The following NCALD variants were observed in gnomAD, a reference collection of about 807,000 sequenced individuals.
NCALD encodes the protein neurocalcin-delta.
Under a neutral mutation model 18.6 loss-of-function variants are expected in NCALD, and 10 were observed. The observed-to-expected ratio is 0.54, with a 90% CI of 0.33 to 0.91. The LOEUF is 0.91. Among genes scored for constraint, NCALD ranks in the 40% least tolerant of loss-of-function variants. NCALD has a pLI of 0.03. For missense variants in NCALD, 184 were observed against 247.6 expected (o/e 0.74, Z 1.72); for synonymous variants, 88 against 87.4 (o/e 1.01, Z -0.04).
At chr8:101,708,111 TC>T (rs1815617268) in intron 2 of NCALD, among the ~76,000 whole-genome samples, 1 of 152,014 alleles carries the variant, frequency 6.6e-6, no homozygotes, top group Non-Finnish European at 1.5e-5. Flanking sequence ...AGACAGACTG[TC>T]CCCCAAACAG....
At chr8:101,944,927 T>C (rs983493317) in intron 2 of NCALD, among the ~76,000 whole-genome samples, 1 of 152,218 alleles carries the variant, frequency 6.6e-6, no homozygotes, top group African/African-American at 2.4e-5. Flanking sequence ...TAAATTATCT[T>C]TCAAATCCCA....
chr8:101,745,487 T>C (rs1442956374), intron 1 of NCALD, among the ~76,000 whole-genome samples: 1 of 152,188 alleles, frequency 6.6e-6, no homozygotes, highest in Non-Finnish European at 1.5e-5. Context: ...TATTGCACGG[T>C]GGTCTTTCCA....
intron 4 of NCALD, among the ~76,000 whole-genome samples, chr8:101,800,653 A>T (rs2131073367): frequency 1.3e-5 from 2 of 151,884 alleles, no homozygotes; most frequent in East Asian, 3.9e-4. Context: ...AATCAAGAGT[A>T]CAGAAAGGCT....
At chr8:101,983,608 T>C (rs144523349) in intron 2 of NCALD, among the ~76,000 whole-genome samples, 2 of 152,340 alleles carry the variant, frequency 1.3e-5, no homozygotes, top group Non-Finnish European at 2.9e-5. Context: ...GTGTATGTGT[T>C]GTGATGGATA....
intron 1 of NCALD, among the ~76,000 whole-genome samples, chr8:102,060,729 C>T (rs1375567573): frequency 1.3e-5 from 2 of 152,078 alleles, no homozygotes; most frequent in Non-Finnish European, 2.9e-5. Flanking sequence ...GCATTACAAT[C>T]GGTCATCTGT....
intron 2 of NCALD, among the ~76,000 whole-genome samples, chr8:101,947,067 T>A (rs1036810869): frequency 2.0e-5 from 3 of 152,152 alleles, no homozygotes; most frequent in African/African-American, 7.2e-5. Context: ...TTGAAGCATT[T>A]CCTCAAAGAA....
intron 1 of NCALD, among the ~76,000 whole-genome samples, chr8:101,786,824 T>TAAA (rs1442955690): frequency 1.2e-4 from 18 of 152,244 alleles, no homozygotes; most frequent in Admixed American, 1.1e-3. Flanking sequence ...AAATCAAATA[T>TAAA]AAAACTGCAT....
At chr8:101,804,936 G>A (rs1168668433) in intron 4 of NCALD, among the ~76,000 whole-genome samples, 2 of 151,690 alleles carry the variant, frequency 1.3e-5, no homozygotes, top group East Asian at 1.9e-4. Flanking sequence ...TGAACTGAAT[G>A]ACAAAAATAT....
intron 1 of NCALD, among the ~76,000 whole-genome samples, chr8:101,739,167 G>A (rs932955578): frequency 4.0e-5 from 6 of 151,166 alleles, no homozygotes; most frequent in Admixed American, 6.6e-5. Context: ...GCCTCCCCTC[G>A]TGTCCCTGTG....
At chr8:101,953,280 T>C (rs1819502047) in intron 2 of NCALD, among the ~76,000 whole-genome samples, 4 of 152,188 alleles carry the variant, frequency 2.6e-5, no homozygotes, top group Admixed American at 6.5e-5. Flanking sequence ...TTGCTGGTGC[T>C]TCCCAACTTA....
intron 1 of NCALD, among the ~76,000 whole-genome samples, chr8:102,057,080 C>CCTT (rs568234789): frequency 7.5e-4 from 114 of 152,280 alleles, no homozygotes; most frequent in African/African-American, 2.6e-3. Context: ...AAGTGACCTG[C>CCTT]AAAGCCTTTT....
intron 2 of NCALD, among the ~76,000 whole-genome samples, chr8:101,712,587 C>A (rs368148869): frequency 2.9e-3 from 228 of 78,878 alleles, no homozygotes; most frequent in African/African-American, 3.8e-3. Context: ...AAATGGAAAG[C>A]AAAAAAAAAA....
intron 1 of NCALD, among the ~76,000 whole-genome samples, chr8:102,116,824 C>A (rs1366663970): frequency 6.6e-6 from 1 of 152,058 alleles, no homozygotes; most frequent in East Asian, 1.9e-4. Flanking sequence ...AAGCTTTAAC[C>A]CCCGGAACCA....
intron 2 of NCALD, among the ~76,000 whole-genome samples, chr8:101,996,831 G>C (rs1821256490): frequency 6.6e-6 from 1 of 152,214 alleles, no homozygotes; most frequent in Non-Finnish European, 1.5e-5. Flanking sequence ...ACACAGACAA[G>C]AATAGCTGCA....
chr8:101,742,194 C>T (rs1324736287), intron 1 of NCALD, among the ~76,000 whole-genome samples: 3 of 150,568 alleles, frequency 2.0e-5, no homozygotes, highest in Non-Finnish European at 3.0e-5. Flanking sequence ...TGGTGCACCA[C>T]TGCACTCCAG....
intron 4 of NCALD, among the ~76,000 whole-genome samples, chr8:101,885,213 A>G (rs1217112582): frequency 6.6e-6 from 1 of 152,216 alleles, no homozygotes; most frequent in African/African-American, 2.4e-5. Context: ...ATATCCAAAC[A>G]ACAGGAAATC....
rs767096803 is a variant in NCALD, at chr8:101,883,516, T to C, written c.-20+3625A>G. On this transcript the variant is annotated intron_variant, in intron 4 of 6. Transcript: ENST00000311028. ...ACAGGGAGGACAATGGGATCACTAT[T>C]GTCTCAGAAACAAGAACAAATTAAT... Among the ~76,000 whole-genome samples, 25 of 152,328 alleles carry C rather than the reference T, an allele frequency of 1.6e-4. 1 individual carries two copies. Among genetic ancestry groups the C allele is most frequent in the Non-Finnish European group, 2.9e-4 (20 of 68,026 alleles).
chr8:102,036,690 C>T (rs1205723216), intron 1 of NCALD, among the ~76,000 whole-genome samples: 1 of 151,898 alleles, frequency 6.6e-6, no homozygotes, highest in Non-Finnish European at 1.5e-5. Flanking sequence ...CAAGAGAATC[C>T]CTTAAACCCT....
intron 1 of NCALD, among the ~76,000 whole-genome samples, chr8:102,102,447 A>G (rs569957990): frequency 1.4e-4 from 22 of 152,332 alleles, no homozygotes; most frequent in Admixed American, 1.3e-3. Flanking sequence ...GTTATGGCAC[A>G]TGCGTCAGAG....
Sources: allele counts gnomAD v4.1 joint callset (sites outside exome capture counted in the v4.1 genomes callset), GRCh38; gene constraint gnomAD v4.1.1; transcripts MANE v1.5; gene names NCBI Gene and HGNC (gene_info 2026-07-23, HGNC 2026-07-21).